The following ZDHHC11 variants were observed in gnomAD, a reference collection of about 807,000 sequenced individuals.
ZDHHC11 encodes the protein zDHHC palmitoyltransferase 11.
Under a neutral mutation model 51.3 loss-of-function variants are expected in ZDHHC11, and 44 were observed. That is an observed-to-expected ratio of 0.86 (90% confidence interval 0.67 to 1.10). The LOEUF (loss-of-function observed/expected upper bound fraction) is 1.10, where lower values mean the gene tolerates loss of function less well. Ranked by LOEUF, ZDHHC11 falls within the 50% of genes least tolerant of loss-of-function variation. The probability of loss-of-function intolerance (pLI) is 0.00; values close to 1 mark genes in which losing one functional copy is unlikely to be tolerated. For synonymous variants in ZDHHC11, 163 were observed against 222.0 expected, an observed-to-expected ratio of 0.73 and a Z score of 2.36; for missense variants, 400 against 537.7, an observed-to-expected ratio of 0.74 and a Z score of 2.53.
At chr5:829,372 C>T (rs1320728691) in intron 7 of ZDHHC11, among the ~76,000 whole-genome samples, 6 of 151,826 alleles carry the variant, frequency 4.0e-5, no homozygotes, top group Non-Finnish European at 7.4e-5. Context: ...ATATGAACAC[C>T]GTTATGCACA....
At chr5:811,537 C>T (rs1740087311) in intron 11 of ZDHHC11, among the ~76,000 whole-genome samples, 2 of 147,948 alleles carry the variant, frequency 1.4e-5, no homozygotes, top group South Asian at 4.2e-4. Flanking sequence ...GCGCTGCCCC[C>T]AGCACGTTTC....
At chr5:860,044 C>T (rs1041802673), upstream of ZDHHC11, among the ~76,000 whole-genome samples, 27 of 152,236 alleles carry the variant, frequency 1.8e-4, no homozygotes, top group Non-Finnish European at 3.2e-4. The surrounding 1 kb of genome is among the most constrained non-coding windows in gnomAD (Gnocchi z 4.2). Flanking sequence ...CTGGGTCTCA[C>T]TCTGGTGCCT....
intron 6 of ZDHHC11, among the ~76,000 whole-genome samples, chr5:834,386 G>A (rs1743504203): frequency 6.6e-6 from 1 of 152,292 alleles, no homozygotes; most frequent in Admixed American, 6.5e-5. Flanking sequence ...AGATGCTCAG[G>A]CTGGTCTTGA....
At chr5:846,816 G>C (rs780049864) in intron 3 of ZDHHC11, among the ~76,000 whole-genome samples, 1,327 of 73,078 alleles carry the variant, frequency 0.018, 93 homozygotes, top group African/African-American at 0.09. Flanking sequence ...GGGGAAACAC[G>C]TCTCATCTGT....
intron 8 of ZDHHC11, among the ~76,000 whole-genome samples, 186 bp from the exon 9 acceptor site, chr5:822,081 G>A (rs1164876488): frequency 6.6e-6 from 1 of 151,456 alleles, no homozygotes; most frequent in Non-Finnish European, 1.5e-5. Context: ...CTTGTATTAT[G>A]GGCTGAACTA....
At chr5:838,238 G>C (rs1023058223) in intron 5 of ZDHHC11, among the ~76,000 whole-genome samples, 1 of 151,946 alleles carries the variant, frequency 6.6e-6, no homozygotes, top group Non-Finnish European at 1.5e-5. Flanking sequence ...GCAGCCCAGG[G>C]AAGCAAAGCA....
chr5:803,175 G>C lies in ZDHHC11; in HGVS notation c.1182-2011C>G, dbSNP rs186991044. 1.5e-3 allele frequency among the ~76,000 whole-genome samples: 224 copies of C among 151,444 alleles called. 6 individuals carry two copies. Among genetic ancestry groups the C allele is most frequent in the African/African-American group, 5.2e-3 (216 of 41,302 alleles). ...TGGCTGATGTCACAGTGAGCATCAG[G>C]AACCTTGTCCTCAATAAATTTGAGG... On this transcript the variant is annotated intron_variant, in intron 11 of 12. Transcript: ENST00000283441.
chr5:843,295 A>T, intron 4 of ZDHHC11: 1 of 536,186 alleles, frequency 1.9e-6, no homozygotes, highest in Non-Finnish European at 3.2e-6. Flanking sequence ...GACAGGTGCT[A>T]CAGGGATGAC....
chr5:808,521 G>A (rs1739610231), intron 11 of ZDHHC11, among the ~76,000 whole-genome samples: 1 of 148,744 alleles, frequency 6.7e-6, no homozygotes, highest in Non-Finnish European at 1.5e-5. Context: ...ACACACTTAC[G>A]TGTTCCATCT....
chr5:840,310 C>T (rs1369115475), intron 5 of ZDHHC11, 185 bp downstream of exon 5: 2 of 924,114 alleles, frequency 2.2e-6, no homozygotes, highest in Non-Finnish European at 3.4e-6. Flanking sequence ...GTGATTTGCC[C>T]TTTTTGTCCA....
chr5:846,495 G>A (rs1172673477), intron 3 of ZDHHC11, among the ~76,000 whole-genome samples: 61 of 150,002 alleles, frequency 4.1e-4, no homozygotes, highest in African/African-American at 1.5e-3. Context: ...CGTGCTCAGG[G>A]GAAACAACCT....
intron 4 of ZDHHC11, 177 bp from the exon 5 acceptor site, chr5:840,827 C>T: frequency 1.4e-6 from 2 of 1,469,646 alleles, no homozygotes; most frequent in South Asian, 1.3e-5. Context: ...GGCCCTGCTG[C>T]CTTCGGTTGG....
At chr5:843,975 G>T (rs1262071906) in intron 3 of ZDHHC11, among the ~76,000 whole-genome samples, 1 of 118,522 alleles carries the variant, frequency 8.4e-6, no homozygotes, top group African/African-American at 4.8e-5. Flanking sequence ...CAGAGGCAGG[G>T]GCAGGGACAC....
intron 11 of ZDHHC11, among the ~76,000 whole-genome samples, chr5:813,709 G>C (rs1415966600): frequency 1.3e-5 from 2 of 149,564 alleles, no homozygotes; most frequent in South Asian, 2.1e-4. Context: ...TGTGTGCCCA[G>C]AGAGCACGGG....
intron 11 of ZDHHC11, among the ~76,000 whole-genome samples, chr5:802,127 G>A (rs1045118705): frequency 5.9e-5 from 9 of 151,342 alleles, no homozygotes. Context: ...GCTGGGCAGG[G>A]CTCCTGATGG....
rs1015943233 is a variant in ZDHHC11, at chr5:816,705, G to C, written c.1147-1910C>G. On this transcript the variant is annotated intron_variant, in intron 10 of 12. Transcript: ENST00000283441. ...TTGGCTTTGTGATGATGGGAATTCT[G>C]ACTATTTAGACCTCATCTAAGGAGA... is the stretch of plus-strand genomic sequence containing the variant. 4 of 584,916 alleles carry C rather than the reference G, an allele frequency of 6.8e-6. No individual in the cohort carries two copies. In the Admixed American group the frequency reaches 8.0e-5, roughly 12 times the overall value. 36.2% of individuals were successfully genotyped at this position (584,916 alleles called of 1,614,324 possible).
intron 5 of ZDHHC11, among the ~76,000 whole-genome samples, chr5:837,996 G>A (rs1744153879): frequency 6.6e-6 from 1 of 151,966 alleles, no homozygotes; most frequent in Admixed American, 6.5e-5. Context: ...GGACCACGCA[G>A]TGGGGCGGCC....
At chr5:820,772 T>C (rs1741463098) in intron 9 of ZDHHC11, among the ~76,000 whole-genome samples, 2 of 151,430 alleles carry the variant, frequency 1.3e-5, no homozygotes, top group East Asian at 3.9e-4. Flanking sequence ...GAAAAATAAA[T>C]GTGTAAGAAT....
At chr5:858,601 C>T (rs973518631) in intron 1 of ZDHHC11, among the ~76,000 whole-genome samples, 13 of 152,182 alleles carry the variant, frequency 8.5e-5, no homozygotes, top group African/African-American at 3.1e-4. Context: ...CTCCTCCAGC[C>T]CCCCAAACGT....
Sources: gnomAD v4.1 joint callset for allele counts (sites outside exome capture counted in the v4.1 genomes callset) on GRCh38, gnomAD v4.1.1 for gene constraint, Gnocchi (gnomAD v3.1) non-coding constraint, MANE v1.5 for transcripts, NCBI Gene and HGNC (gene_info 2026-07-23, HGNC 2026-07-21) for gene names.